Variants in E2F3 observed in about 807,000 individuals in gnomAD.
E2F3 encodes the protein E2F transcription factor 3, also known as transcription factor E2F3.
E2F3 carries 11 observed loss-of-function variants against 44.4 expected under a neutral mutation model. The ratio of observed to expected loss-of-function variants is 0.25; its 90% CI spans 0.16 to 0.41. The LOEUF is 0.41. Among genes scored for constraint, E2F3 ranks in the 10% least tolerant of loss-of-function variants. The pLI is 1.00. For synonymous variants in E2F3, 249 were observed against 253.0 expected, an observed-to-expected ratio of 0.98 and a Z score of 0.15; for missense variants, 487 against 583.6, an observed-to-expected ratio of 0.83 and a Z score of 1.70.
At chr6:20,468,711 C>G (rs1761794390) in intron 1 of E2F3, among the ~76,000 whole-genome samples, 1 of 152,182 alleles carries the variant, frequency 6.6e-6, no homozygotes, top group Admixed American at 6.5e-5. Flanking sequence ...TGACCATTGT[C>G]CATCCTGAAG....
intron 1 of E2F3, among the ~76,000 whole-genome samples, chr6:20,446,165 A>G (rs1760938832): frequency 6.6e-6 from 1 of 152,220 alleles, no homozygotes; most frequent in Non-Finnish European, 1.5e-5. Flanking sequence ...ATGTTATAAC[A>G]AAATGACATT....
At chr6:20,420,643 A>G (rs780328999) in intron 1 of E2F3, among the ~76,000 whole-genome samples, 1 of 152,212 alleles carries the variant, frequency 6.6e-6, no homozygotes, top group Non-Finnish European at 1.5e-5. Flanking sequence ...ACCAACGTAC[A>G]TATTCTTAAC....
At chr6:20,478,476 T>A (rs375668574) in intron 1 of E2F3, among the ~76,000 whole-genome samples, 2 of 152,156 alleles carry the variant, frequency 1.3e-5, no homozygotes, top group African/African-American at 4.8e-5. Flanking sequence ...GCTGATAAGT[T>A]ATTACTTACG....
At chr6:20,418,795 T>C (rs1759932188) in intron 1 of E2F3, among the ~76,000 whole-genome samples, 2 of 151,538 alleles carry the variant, frequency 1.3e-5, no homozygotes, top group Admixed American at 6.6e-5. Flanking sequence ...CACCCAGGTG[T>C]CCAGTTCCAT....
Position 20,491,883 on chromosome 6 carries a change from G to C in E2F3, c.*1453G>C, listed in dbSNP as rs995010112. 1 of 180,204 alleles carries C rather than the reference G, an allele frequency of 5.5e-6. No homozygotes were observed. The highest frequency in any genetic ancestry group is 1.2e-5 in the Non-Finnish European group (1 of 83,892). The allele number at this position is 180,204 out of a possible 1,614,324, so 11.2% of individuals were successfully genotyped here. ...TTCAGGAATGGTGTCCCAAGTTGGA[G>C]GCTTTGTGTCAGCTGCAAATCCTAC... On this transcript the variant is annotated 3_prime_UTR_variant, in exon 7 of 7. Transcript: ENST00000346618.
rs58738322 is a variant in E2F3, at chr6:20,424,210, G to GGTAT, written c.393+21587_393+21588insATGT. The stretch of plus-strand genomic sequence containing the variant: ...TTTTGATCTTTAACCTCAGTGGAAG[G>GGTAT]GTGTGTGTGTGTGTGTGTGTGTGTG... On this transcript the variant is annotated intron_variant, in intron 1 of 6. Coordinates refer to ENST00000346618, the MANE Select transcript of E2F3 (RefSeq NM_001949.5). Among the ~76,000 whole-genome samples, 550 of 136,992 alleles carry GGTAT rather than the reference G, an allele frequency of 4.0e-3. 3 individuals are homozygous for GGTAT. Among genetic ancestry groups the GGTAT allele is most frequent in the South Asian group, 7.7e-3 (32 of 4,162 alleles). The allele number at this position is 136,992 out of a possible 152,430, so 89.9% of individuals were successfully genotyped here.
chr6:20,433,265 C>T (rs1044866931), intron 1 of E2F3, among the ~76,000 whole-genome samples: 1 of 152,174 alleles, frequency 6.6e-6, no homozygotes, highest in East Asian at 1.9e-4. Context: ...TCAATTCACA[C>T]AATTGCCAAG....
chr6:20,417,003 T>C (rs1220798981), intron 1 of E2F3, among the ~76,000 whole-genome samples: 2 of 152,196 alleles, frequency 1.3e-5, no homozygotes, highest in African/African-American at 2.4e-5. Context: ...CCTTGCCTGA[T>C]ATACAAGGAA....
chr6:20,457,584 G>A (rs1761353704), intron 1 of E2F3, among the ~76,000 whole-genome samples: 1 of 152,098 alleles, frequency 6.6e-6, no homozygotes, highest in Non-Finnish European at 1.5e-5. Flanking sequence ...TAGCAAAGAG[G>A]TAAGTGGGTA....
chr6:20,454,940 A>G (rs1761259763), intron 1 of E2F3, among the ~76,000 whole-genome samples: 1 of 152,206 alleles, frequency 6.6e-6, no homozygotes, highest in South Asian at 2.1e-4. Flanking sequence ...GGCCAAATCC[A>G]TGTAACTAAT....
chr6:20,482,119 G>A (rs1762243048), intron 3 of E2F3, among the ~76,000 whole-genome samples: 2 of 152,130 alleles, frequency 1.3e-5, no homozygotes, highest in Admixed American at 1.3e-4. Flanking sequence ...TAATTCAGAT[G>A]GAAGATGAAT....
chr6:20,466,688 T>TC (rs1236068378), intron 1 of E2F3, among the ~76,000 whole-genome samples: 1 of 146,308 alleles, frequency 6.8e-6, no homozygotes, highest in African/African-American at 2.6e-5. Context: ...GTGTGTTCTT[T>TC]TTTTTTTTTT....
At chr6:20,407,719 A>G (rs1392044894) in intron 1 of E2F3, among the ~76,000 whole-genome samples, 1 of 152,168 alleles carries the variant, frequency 6.6e-6, no homozygotes. Context: ...CTCATAGTTA[A>G]TTTTCTGGCT....
intron 4 of E2F3, 122 bp from the exon 5 acceptor site, chr6:20,486,567 C>T (rs4134963): frequency 0.16 from 90,313 of 579,188 alleles, 8,011 homozygotes; most frequent in Middle Eastern, 0.22. Context: ...CCACCGCGCC[C>T]GGCCACATAT....
At position 20,488,031 on chromosome 6, in the gene E2F3, T is replaced by C. The variant is rs939189691; in HGVS notation, c.1000-82T>C. On this transcript the variant is annotated intron_variant, in intron 5 of 6. Transcript: ENST00000346618. ...AGTGAAAAACGAACATTGTTCTTAC[T>C]TTCCATTTTTAGACAAGAATTACTA... 3.2e-6 allele frequency: 5 copies of C among 1,578,652 alleles called. No individual in the cohort carries two copies. The African/African-American group carries it at 6.8e-5, about 21-fold the overall frequency.
intron 1 of E2F3, among the ~76,000 whole-genome samples, chr6:20,453,325 A>G (rs1321716103): frequency 6.6e-6 from 1 of 152,080 alleles, no homozygotes; most frequent in Non-Finnish European, 1.5e-5. Flanking sequence ...CAGAATTTCT[A>G]TGCTATTACT....
At chr6:20,450,495 G>T (rs1011457776) in intron 1 of E2F3, among the ~76,000 whole-genome samples, 1 of 151,940 alleles carries the variant, frequency 6.6e-6, no homozygotes, top group African/African-American at 2.4e-5. Context: ...TTGTAAATTT[G>T]TTTAAGTTTC....
intron 1 of E2F3, among the ~76,000 whole-genome samples, chr6:20,409,725 TCTTTTC>T (rs1237858164): frequency 6.6e-6 from 1 of 152,268 alleles, no homozygotes; most frequent in African/African-American, 2.4e-5. Context: ...TAAAATGCCT[TCTTTTC>T]CTTTTTGGAA....
Position 20,401,893 on chromosome 6 carries a change from G to A in E2F3, c.-340G>A. 1 of 374,070 alleles carries A rather than the reference G, an allele frequency of 2.7e-6. No individual in the cohort carries two copies. Among genetic ancestry groups the A allele is most frequent in the Non-Finnish European group, 4.7e-6 (1 of 211,268 alleles). The allele number at this position is 374,070 out of a possible 1,614,324, so 23.2% of individuals were successfully genotyped here. A position where few individuals can be genotyped will look rare whatever the true frequency, so the allele number is the denominator to read the frequency against. ...CGTATCCCTTCATTCATTGTCAGCA[G>A]CAGCTTCCTGGAGCCATTTTTCAGC... On this transcript the variant is annotated 5_prime_UTR_variant, in exon 1 of 7. Coordinates refer to ENST00000346618, the MANE Select transcript of E2F3 (RefSeq NM_001949.5).
Sources: gnomAD v4.1 joint callset for allele counts (sites outside exome capture counted in the v4.1 genomes callset) on GRCh38, gnomAD v4.1.1 for gene constraint, MANE v1.5 for transcripts, NCBI Gene and HGNC (gene_info 2026-07-23, HGNC 2026-07-21) for gene names.